The following CARMIL1 variants were observed in gnomAD, a reference collection of about 807,000 sequenced individuals.
The protein encoded by CARMIL1 is F-actin-uncapping protein LRRC16A.
A neutral mutation model predicts 177.1 loss-of-function variants in CARMIL1; 90 were observed. The ratio of observed to expected loss-of-function variants is 0.51; its 90% CI spans 0.43 to 0.61. The LOEUF (loss-of-function observed/expected upper bound fraction) is 0.61, where lower values mean the gene tolerates loss of function less well. CARMIL1 is among the 20% of genes least tolerant of loss of function. The probability of loss-of-function intolerance (pLI) is 0.00; values close to 1 mark genes in which losing one functional copy is unlikely to be tolerated. For synonymous variants in CARMIL1, 577 were observed against 606.2 expected, an observed-to-expected ratio of 0.95 and a Z score of 0.71; for missense variants, 1,380 against 1,667.0, an observed-to-expected ratio of 0.83 and a Z score of 3.00.
chr6:25,556,909 T>G (rs932322264), intron 29 of CARMIL1, 59 bp downstream of exon 29: 7 of 1,487,498 alleles, frequency 4.7e-6, no homozygotes, highest in Non-Finnish European at 5.4e-6. Context: ...CCATTGTTTT[T>G]TTTTTTTTTT....
chr6:25,380,111 GAT>G (rs1479161960), intron 2 of CARMIL1, among the ~76,000 whole-genome samples: 1 of 152,160 alleles, frequency 6.6e-6, no homozygotes, highest in East Asian at 1.9e-4. Context: ...GTCTTTGGGA[GAT>G]TTTAATTGTG....
At position 25,509,836 on chromosome 6, in the gene CARMIL1, T is replaced by TA. The variant is rs1475618910; in HGVS notation, c.1477+106dup. ...TACCCAAATCCAAACAATAGCTTAA[T>TA]AAAAAAATTGTTTTTTATTTTTTGA... On this transcript the variant is annotated intron_variant, in intron 18 of 36. Transcript: ENST00000329474. The surrounding 1 kb of genome is among the most constrained non-coding windows in gnomAD (Gnocchi z 4.1). 8.7e-6 allele frequency: 7 copies of TA among 807,010 alleles called. No individual in the cohort carries two copies. The highest frequency in any genetic ancestry group is 1.7e-5 in the South Asian group (1 of 59,016). 50.0% of individuals were successfully genotyped at this position (807,010 alleles called of 1,614,324 possible). A position where few individuals can be genotyped will look rare whatever the true frequency, so the allele number is the denominator to read the frequency against.
intron 2 of CARMIL1, among the ~76,000 whole-genome samples, chr6:25,384,571 T>C (rs114359792): frequency 0.018 from 2,694 of 152,328 alleles, 77 homozygotes; most frequent in African/African-American, 0.058. Context: ...GTGGAAGCTG[T>C]GTATGCCCAC....
At chr6:25,468,678 G>T (rs1800844641) in intron 9 of CARMIL1, among the ~76,000 whole-genome samples, 1 of 152,132 alleles carries the variant, frequency 6.6e-6, no homozygotes, top group Admixed American at 6.5e-5. Context: ...ATTCATCCCT[G>T]TAGAAAATGA....
intron 23 of CARMIL1, among the ~76,000 whole-genome samples, chr6:25,522,192 G>T (rs1806638006): frequency 6.6e-6 from 1 of 152,130 alleles, no homozygotes; most frequent in African/African-American, 2.4e-5. Context: ...TGTCACATTT[G>T]CCTCCTCTTG....
At chr6:25,323,607 G>A (rs1244319291) in intron 2 of CARMIL1, among the ~76,000 whole-genome samples, 4 of 152,070 alleles carry the variant, frequency 2.6e-5, no homozygotes, top group Admixed American at 6.5e-5. Context: ...ATTTATCTTA[G>A]TTAAAGCTGT....
intron 2 of CARMIL1, among the ~76,000 whole-genome samples, chr6:25,318,314 A>T (rs1020022236): frequency 3.3e-5 from 5 of 152,066 alleles, no homozygotes; most frequent in African/African-American, 1.2e-4. Context: ...AAGACTGGGG[A>T]CAAAGCGGAC....
At chr6:25,508,856 A>G (rs1434347289) in intron 17 of CARMIL1, among the ~76,000 whole-genome samples, 2 of 152,174 alleles carry the variant, frequency 1.3e-5, no homozygotes, top group African/African-American at 4.8e-5. Flanking sequence ...ACAGAGTAGG[A>G]ACTCAACAAA....
In CARMIL1 at chr6:25,554,834, C is replaced by T. The variant is rs573908830; in HGVS notation, c.2592+738C>T. ...ATTCTTCAATGTTTTCTTAACTGTG[C>T]GGGATGGAGATACCAGTTTTATGGC... On this transcript the variant is annotated intron_variant, in intron 28 of 36. Coordinates refer to ENST00000329474, the MANE Select transcript of CARMIL1 (RefSeq NM_017640.6). This position sits in a 1 kb window ranked among gnomAD's most constrained non-coding sequence, Gnocchi z 4.6. 1.2e-4 allele frequency among the ~76,000 whole-genome samples: 19 copies of T among 152,238 alleles called. No homozygotes were observed. The East Asian group carries it at 2.5e-3, about 20-fold the overall frequency.
chr6:25,484,701 C>T lies in CARMIL1; in HGVS notation c.961+2358C>T, dbSNP rs76104734. On this transcript the variant is annotated intron_variant, in intron 12 of 36. Coordinates refer to ENST00000329474, the MANE Select transcript of CARMIL1 (RefSeq NM_017640.6). ...CAAACCCCCTCCAAACTCCCTTGTT[C>T]CTTAGTCCTTTGTATTTCTTTTAGG... Among the ~76,000 whole-genome samples the T allele has an allele frequency of 4.9e-3, 748 of 152,266 alleles. 4 individuals carry two copies. The highest frequency in any genetic ancestry group is 8.5e-3 in the Non-Finnish European group (581 of 68,016).
intron 2 of CARMIL1, among the ~76,000 whole-genome samples, chr6:25,364,560 T>C (rs1281118204): frequency 6.6e-6 from 1 of 150,428 alleles, no homozygotes; most frequent in Non-Finnish European, 1.5e-5. Flanking sequence ...TGGATTCTTT[T>C]TTCTTTTTCT....
At chr6:25,413,647 A>G (rs1223897302) in intron 2 of CARMIL1, among the ~76,000 whole-genome samples, 6 of 152,212 alleles carry the variant, frequency 3.9e-5, no homozygotes, top group South Asian at 2.1e-4. Context: ...TTGCATTTCA[A>G]TGAAAGGCAG....
intron 2 of CARMIL1, among the ~76,000 whole-genome samples, chr6:25,403,585 C>CT (rs1186762910): frequency 1.3e-5 from 2 of 152,220 alleles, no homozygotes; most frequent in Non-Finnish European, 2.9e-5. Context: ...TTTTCAATTG[C>CT]TGCAGGCATA....
At chr6:25,480,297 T>C (rs955666862) in intron 11 of CARMIL1, among the ~76,000 whole-genome samples, 6 of 152,154 alleles carry the variant, frequency 3.9e-5, no homozygotes, top group African/African-American at 1.4e-4. Flanking sequence ...TGTGTGTTTA[T>C]GTAATATGTG....
intron 26 of CARMIL1, among the ~76,000 whole-genome samples, chr6:25,546,669 C>CAAAAAAAAAAAAAAAAAAAAA (rs58285338): frequency 8.7e-6 from 1 of 115,486 alleles, no homozygotes. Flanking sequence ...ACAACAACAA[C>CAAAAAAAAAAAAAAAAAAAAA]AAAAAAAAAA....
intron 5 of CARMIL1, 89 bp downstream of exon 5, chr6:25,435,693 ACTTAGTTC>A (rs757750259): frequency 3.4e-5 from 47 of 1,369,220 alleles, no homozygotes; most frequent in Non-Finnish European, 4.5e-5. Flanking sequence ...TTACCCCTTC[ACTTAGTTC>A]CTCTCTCAGA....
Position 25,509,729 on chromosome 6 carries a change from C to T in CARMIL1, c.1469C>T (p.Ser490Phe). Residue 490 changes from serine (S) to phenylalanine (F), a missense_variant, in exon 18 of 37, where the codon TCT becomes TTT. Ser to Phe is a radical substitution (Grantham distance 155, BLOSUM62 -2). Coordinates refer to ENST00000329474, the MANE Select transcript of CARMIL1 (RefSeq NM_017640.6). This position sits in a 1 kb window ranked among gnomAD's most constrained non-coding sequence, Gnocchi z 4.1. ...CACAACATCACCAGCTTAGACATCT[C>T]TGACAATGGTAAGTCAGATATTGAA... ...EIHNITSLDI[S>F]DNGLESDLST... The T allele has an allele frequency of 6.3e-7, 1 of 1,590,830 alleles. No homozygotes were observed. Among genetic ancestry groups the T allele is most frequent in the South Asian group, 1.1e-5 (1 of 87,210 alleles).
At chr6:25,591,647 A>G (rs1302530870) in intron 31 of CARMIL1, among the ~76,000 whole-genome samples, 1 of 152,174 alleles carries the variant, frequency 6.6e-6, no homozygotes, top group Non-Finnish European at 1.5e-5. Context: ...CCTTTTGCAA[A>G]CTACATTTCA....
At chr6:25,500,360 A>G (rs1582160586) in intron 17 of CARMIL1, 125 bp downstream of exon 17, 2 of 777,582 alleles carry the variant, frequency 2.6e-6, no homozygotes, top group East Asian at 5.5e-5. Context: ...TAAATTATAC[A>G]AGTTTCTAAT....
Sources: gnomAD v4.1 joint callset for allele counts (sites outside exome capture counted in the v4.1 genomes callset) on GRCh38, gnomAD v4.1.1 for gene constraint, Gnocchi (gnomAD v3.1) non-coding constraint, MANE v1.5 for transcripts, NCBI Gene and HGNC (gene_info 2026-07-23, HGNC 2026-07-21) for gene names.